The following PARD3 variants were observed in gnomAD, a reference collection of about 807,000 sequenced individuals.
PARD3 encodes partitioning defective 3 homolog.
PARD3 carries 75 observed loss-of-function variants against 155.4 expected under a neutral mutation model. That is an observed-to-expected ratio of 0.48 (90% CI 0.40 to 0.58). The LOEUF (loss-of-function observed/expected upper bound fraction) is 0.58. Among genes scored for constraint, PARD3 ranks in the 20% least tolerant of loss-of-function variants. PARD3 has a pLI of 0.00. For missense variants in PARD3, 1,642 were observed against 1,721.7 expected (o/e 0.95, Z 0.82); for synonymous variants, 576 against 610.5 (o/e 0.94, Z 0.83).
intron 22 of PARD3, among the ~76,000 whole-genome samples, chr10:34,187,096 T>C (rs1950523572): frequency 6.6e-6 from 1 of 152,212 alleles, no homozygotes; most frequent in Admixed American, 6.5e-5. Context: ...TTTCAGTTTA[T>C]TGCTACGTGA....
At chr10:34,250,934 CA>C (rs1234709702) in intron 22 of PARD3, among the ~76,000 whole-genome samples, 1 of 152,174 alleles carries the variant, frequency 6.6e-6, no homozygotes, top group African/African-American at 2.4e-5. Flanking sequence ...GGTTGCATCA[CA>C]AGCTCTGAGA....
At chr10:34,802,917 CAGGTGGTATTA>C (rs1391403414) in intron 1 of PARD3, among the ~76,000 whole-genome samples, 2 of 151,836 alleles carry the variant, frequency 1.3e-5, no homozygotes, top group African/African-American at 4.8e-5. Flanking sequence ...CCCCACAAAG[CAGGTGGTATTA>C]AAAGGTAGGA....
chr10:34,399,665 G>T (rs1843692046), intron 6 of PARD3, among the ~76,000 whole-genome samples: 1 of 152,116 alleles, frequency 6.6e-6, no homozygotes, highest in East Asian at 1.9e-4. Flanking sequence ...AATCATCAGA[G>T]ATAACTACAT....
intron 1 of PARD3, among the ~76,000 whole-genome samples, chr10:34,699,290 AT>A (rs2094230420): frequency 6.6e-6 from 1 of 152,116 alleles, no homozygotes; most frequent in Non-Finnish European, 1.5e-5. Flanking sequence ...TGAGCAGGAG[AT>A]CAACAGTAAC....
chr10:34,504,080 C>CT (rs1564787690), intron 3 of PARD3, among the ~76,000 whole-genome samples: 1 of 152,096 alleles, frequency 6.6e-6, no homozygotes, highest in East Asian at 1.9e-4. Flanking sequence ...CAAAACCATG[C>CT]TCACTGCACT....
intron 2 of PARD3, among the ~76,000 whole-genome samples, chr10:34,606,499 T>G (rs2090451011): frequency 2.0e-5 from 3 of 151,822 alleles, no homozygotes; most frequent in African/African-American, 7.3e-5. Flanking sequence ...AAGCTACATT[T>G]TTATAAAAGT....
chr10:34,129,676 C>CTTTTTTTTTTT (rs139162678), intron 23 of PARD3, among the ~76,000 whole-genome samples: 111 of 119,912 alleles, frequency 9.3e-4, no homozygotes, highest in African/African-American at 3.1e-3. Flanking sequence ...TCAAATGTTC[C>CTTTTTTTTTTT]TTTTTTTTTG....
chr10:34,188,636 C>T (rs1229404451), intron 22 of PARD3, among the ~76,000 whole-genome samples: 1 of 152,134 alleles, frequency 6.6e-6, no homozygotes, highest in Non-Finnish European at 1.5e-5. Context: ...GAAAATACTT[C>T]AACCTAGTTT....
intron 3 of PARD3, among the ~76,000 whole-genome samples, chr10:34,507,750 T>C (rs1398944580): frequency 6.6e-6 from 1 of 152,134 alleles, no homozygotes; most frequent in African/African-American, 2.4e-5. Flanking sequence ...TCCAATCCAA[T>C]TAATAGATAT....
chr10:34,648,143 C>G (rs1442644508), intron 2 of PARD3, among the ~76,000 whole-genome samples: 9 of 152,226 alleles, frequency 5.9e-5, no homozygotes, highest in Non-Finnish European at 1.3e-4. Flanking sequence ...TACAAACAGA[C>G]TCAAACCTCG....
At chr10:34,455,496 A>G (rs2077284711) in intron 4 of PARD3, among the ~76,000 whole-genome samples, 1 of 152,088 alleles carries the variant, frequency 6.6e-6, no homozygotes, top group Non-Finnish European at 1.5e-5. Flanking sequence ...ATGATGGCTT[A>G]GAATGATTTT....
At chr10:34,232,877 T>G (rs1953006836) in intron 22 of PARD3, among the ~76,000 whole-genome samples, 1 of 151,950 alleles carries the variant, frequency 6.6e-6, no homozygotes, top group African/African-American at 2.4e-5. Context: ...ATTTTTTAAT[T>G]TTTTGTAGTG....
chr10:34,660,970 A>G (rs953362134), intron 2 of PARD3, among the ~76,000 whole-genome samples: 8 of 152,198 alleles, frequency 5.3e-5, no homozygotes, highest in African/African-American at 1.9e-4. Flanking sequence ...ATCTACTGAC[A>G]TAATGAAATA....
At chr10:34,636,065 AGAAG>A (rs756021966) in intron 2 of PARD3, among the ~76,000 whole-genome samples, 8 of 152,100 alleles carry the variant, frequency 5.3e-5, no homozygotes, top group South Asian at 2.1e-4. Context: ...AAAGGAAGGA[AGAAG>A]GAAGGAAGGA....
intron 22 of PARD3, among the ~76,000 whole-genome samples, chr10:34,202,792 A>C (rs920508508): frequency 6.6e-6 from 1 of 152,234 alleles, no homozygotes; most frequent in Non-Finnish European, 1.5e-5. Context: ...GTATGTGCTT[A>C]ATATGTTGCT....
At chr10:34,439,430 G>A in intron 5 of PARD3, among the ~76,000 whole-genome samples, 1 of 151,174 alleles carries the variant, frequency 6.6e-6, no homozygotes, top group African/African-American at 2.4e-5. Flanking sequence ...ACCTTGTGAA[G>A]TTATGTATTA....
At chr10:34,500,309 G>C (rs1342663961) in intron 3 of PARD3, among the ~76,000 whole-genome samples, 2 of 152,200 alleles carry the variant, frequency 1.3e-5, no homozygotes, top group East Asian at 3.8e-4. Flanking sequence ...AAATGCCCAA[G>C]AATGCACTTT....
At chr10:34,725,796 A>C (rs1427510417) in intron 1 of PARD3, among the ~76,000 whole-genome samples, 1 of 152,216 alleles carries the variant, frequency 6.6e-6, no homozygotes, top group African/African-American at 2.4e-5. Flanking sequence ...TAACACCAGG[A>C]CTGCAACTGA....
chr10:34,669,880 G>A (rs2093576821), intron 2 of PARD3, among the ~76,000 whole-genome samples: 1 of 152,166 alleles, frequency 6.6e-6, no homozygotes, highest in Admixed American at 6.6e-5. Flanking sequence ...TCAATCCTAT[G>A]ATAAAAGTAA....
Sources: gnomAD v4.1 joint callset for allele counts (sites outside exome capture counted in the v4.1 genomes callset) on GRCh38, gnomAD v4.1.1 for gene constraint, MANE v1.5 for transcripts, NCBI Gene and HGNC (gene_info 2026-07-23, HGNC 2026-07-21) for gene names.